CTNNA3: variants seen among roughly 807,000 people sequenced by gnomAD.
The protein encoded by CTNNA3 is catenin alpha 3, also known as catenin alpha-3.
In CTNNA3, 76 loss-of-function variants were observed where a neutral mutation model predicts 95.7. The observed-to-expected ratio is 0.79, with a 90% confidence interval of 0.66 to 0.96. CTNNA3 has a LOEUF of 0.96. Among genes scored for constraint, CTNNA3 ranks in the 40% least tolerant of loss-of-function variants. CTNNA3 has a pLI of 0.00. For missense variants in CTNNA3, 1,191 were observed against 1,089.8 expected, an observed-to-expected ratio of 1.09 and a Z score of -1.31; for synonymous variants, 431 against 374.4, an observed-to-expected ratio of 1.15 and a Z score of -1.74.
chr10:67,314,134 A>G (rs1283375714), intron 5 of CTNNA3, among the ~76,000 whole-genome samples: 4 of 152,248 alleles, frequency 2.6e-5, no homozygotes, highest in Non-Finnish European at 5.9e-5. Flanking sequence ...ATAGACCGTT[A>G]GTTCCTCCAA....
chr10:66,183,369 T>C (rs6480145), intron 13 of CTNNA3, among the ~76,000 whole-genome samples: 61,372 of 152,088 alleles, frequency 0.4, 13,484 homozygotes, highest in African/African-American at 0.59. Flanking sequence ...CCTCAATCAA[T>C]AAAATCCAAC....
rs1840255471 is a variant in CTNNA3, at chr10:66,775,435, T to C, written c.1128+9A>G. 5 of 1,592,138 alleles carry C rather than the reference T, an allele frequency of 3.1e-6. 1 individual carries two copies. Among genetic ancestry groups the C allele is most frequent in the African/African-American group, 1.3e-5 (1 of 74,230 alleles). ...ATGTTTCTGACTCCATATCTCTCTCTTCCCTCACCTGTCTGCGAAGGTCTC... is the reference window on the plus strand; with the variant it reads ...ATGTTTCTGACTCCATATCTCTCTCCTCCCTCACCTGTCTGCGAAGGTCTC... On this transcript the variant is annotated intron_variant, in intron 8 of 17. Transcript: ENST00000433211.
At chr10:67,574,763 T>C (rs949024119) in intron 3 of CTNNA3, among the ~76,000 whole-genome samples, 34 of 152,046 alleles carry the variant, frequency 2.2e-4, no homozygotes, top group African/African-American at 8.0e-4. Flanking sequence ...GTATTTTTAG[T>C]AGAGATGGGG....
At chr10:66,589,929 AT>A (rs1206354106) in intron 10 of CTNNA3, among the ~76,000 whole-genome samples, 2 of 151,958 alleles carry the variant, frequency 1.3e-5, no homozygotes, top group African/African-American at 4.8e-5. Flanking sequence ...TAACTGTGTT[AT>A]TTTTTTAACT....
intron 9 of CTNNA3, among the ~76,000 whole-genome samples, chr10:66,691,167 T>G (rs940510993): frequency 6.6e-6 from 1 of 152,152 alleles, no homozygotes; most frequent in Non-Finnish European, 1.5e-5. Flanking sequence ...ATTGCCTCAC[T>G]CAGGAAGCGC....
At chr10:67,694,941 ACTGT>A (rs1370741822) in intron 1 of CTNNA3, among the ~76,000 whole-genome samples, 1 of 152,188 alleles carries the variant, frequency 6.6e-6, no homozygotes, top group East Asian at 1.9e-4. Flanking sequence ...CTTTGTCTAT[ACTGT>A]CTGTATTTTA....
At chr10:67,208,356 G>A (rs1280430871) in intron 6 of CTNNA3, among the ~76,000 whole-genome samples, 3 of 142,528 alleles carry the variant, frequency 2.1e-5, no homozygotes, top group African/African-American at 8.1e-5. Flanking sequence ...TCCAGCCTGG[G>A]TGACAGAGCA....
chr10:66,055,742 T>C (rs10996866), intron 15 of CTNNA3, among the ~76,000 whole-genome samples: 25,990 of 151,642 alleles, frequency 0.17, 2,484 homozygotes, highest in South Asian at 0.35. Flanking sequence ...ACTAACATGG[T>C]GAAACCCCAT....
rs754044180 is a variant in CTNNA3 at position 66,550,762 on chromosome 10, T to C, written c.1375-29989A>G. Among the ~76,000 whole-genome samples the C allele has an allele frequency of 4.6e-5, 7 of 152,176 alleles. 1 individual carries two copies. The highest frequency in any genetic ancestry group is 8.8e-5 in the Non-Finnish European group (6 of 68,030). On this transcript the variant is annotated intron_variant, in intron 10 of 17. Coordinates refer to ENST00000433211, the MANE Select transcript of CTNNA3 (RefSeq NM_013266.4). Reference sequence around the variant, plus strand: ...TTTTATTATCTCATTGTAATTTCTGTCTACTGGCTGACTTTTTTTTAATCT... The same window carrying C: ...TTTTATTATCTCATTGTAATTTCTGCCTACTGGCTGACTTTTTTTTAATCT...
chr10:67,119,637 A>C (rs1261884619), intron 7 of CTNNA3, among the ~76,000 whole-genome samples: 1 of 152,060 alleles, frequency 6.6e-6, no homozygotes, highest in South Asian at 2.1e-4. Flanking sequence ...ATCTTTTAGT[A>C]TCTATGGGTT....
At chr10:66,900,210 T>G (rs896677843) in intron 7 of CTNNA3, among the ~76,000 whole-genome samples, 4 of 152,106 alleles carry the variant, frequency 2.6e-5, no homozygotes, top group Non-Finnish European at 5.9e-5. Context: ...CAGCCTCCAC[T>G]GGTGAAACCC....
rs1350873900 is a variant in CTNNA3, at chr10:66,333,176, C to A, written c.1732+45976G>T. Among the ~76,000 whole-genome samples, 44 of 151,844 alleles carry A rather than the reference C, an allele frequency of 2.9e-4. 1 individual carries two copies. The highest frequency in any genetic ancestry group is 2.0e-3 in the Admixed American group (31 of 15,246). On this transcript the variant is annotated intron_variant, in intron 12 of 17. Transcript: ENST00000433211. ...AATTTTGTTGATCTTTTAAAAAAAA[C>A]CAGCTCCTGGATTCATTGATTTTTT... is the stretch of plus-strand genomic sequence containing the variant.
At position 67,096,182 on chromosome 10, in the gene CTNNA3, TAAA is replaced by T. The variant is rs552482397; in HGVS notation, c.1047+84132_1047+84134del. Among the ~76,000 whole-genome samples the T allele has an allele frequency of 5.9e-5, 9 of 151,964 alleles. No homozygotes were observed. The South Asian group carries it at 1.9e-3, about 31-fold the overall frequency. ...TATTCATATTATAAGCAAATAATCT[TAAA>T]AGAAGTGATTAGTTTTATTTTTTAT... On this transcript the variant is annotated intron_variant, in intron 7 of 17. Coordinates refer to ENST00000433211, the MANE Select transcript of CTNNA3 (RefSeq NM_013266.4).
chr10:67,670,705 G>A (rs933436826), intron 1 of CTNNA3, among the ~76,000 whole-genome samples: 1 of 152,234 alleles, frequency 6.6e-6, no homozygotes, highest in East Asian at 1.9e-4. Flanking sequence ...GTCCTAACTG[G>A]TGGACTAGTC....
chr10:67,428,205 A>G (rs1845985888), intron 5 of CTNNA3, among the ~76,000 whole-genome samples: 1 of 152,130 alleles, frequency 6.6e-6, no homozygotes, highest in African/African-American at 2.4e-5. Context: ...TAGTTCAGAA[A>G]TAACAATTGG....
chr10:67,514,725 T>G (rs1264257746), intron 5 of CTNNA3, among the ~76,000 whole-genome samples: 1 of 151,470 alleles, frequency 6.6e-6, no homozygotes, highest in Non-Finnish European at 1.5e-5. Context: ...TTGTTGTTTT[T>G]TTTTTTTTTG....
At chr10:66,375,039 A>G (rs1271479665) in intron 12 of CTNNA3, among the ~76,000 whole-genome samples, 3 of 152,128 alleles carry the variant, frequency 2.0e-5, no homozygotes, top group African/African-American at 7.2e-5. Flanking sequence ...GAAAGAATTC[A>G]TTATTGCCAA....
rs532459216 is a variant in CTNNA3 at position 66,732,800 on chromosome 10, C to CT, written c.1281+33463dup. Among the ~76,000 whole-genome samples the CT allele has an allele frequency of 6.4e-3, 948 of 148,776 alleles. 5 individuals carry two copies. The highest frequency in any genetic ancestry group is 0.021 in the South Asian group (100 of 4,694). ...TCCCCTAAACAAAGTCATACCTTTT[C>CT]TTTTTTTTTTAAAGAAACAGATTCT... On this transcript the variant is annotated intron_variant, in intron 9 of 17. Coordinates refer to ENST00000433211, the MANE Select transcript of CTNNA3 (RefSeq NM_013266.4).
intron 7 of CTNNA3, among the ~76,000 whole-genome samples, chr10:67,166,444 G>C (rs1456152573): frequency 6.6e-6 from 1 of 151,916 alleles, no homozygotes; most frequent in Non-Finnish European, 1.5e-5. Flanking sequence ...TGTTATAAGT[G>C]TTTAATTTAT....
Sources: gnomAD v4.1 joint callset for allele counts (sites outside exome capture counted in the v4.1 genomes callset) on GRCh38, gnomAD v4.1.1 for gene constraint, MANE v1.5 for transcripts, NCBI Gene and HGNC (gene_info 2026-07-23, HGNC 2026-07-21) for gene names.